NR2F1-AS1: variants seen among roughly 807,000 people sequenced by gnomAD.
The protein encoded by NR2F1-AS1 is NR2F1 antisense RNA 1.
chr5:93,467,383 T>C (rs1298438456), intron 4 of NR2F1-AS1, among the ~76,000 whole-genome samples: 1 of 152,114 alleles, frequency 6.6e-6, no homozygotes, highest in Admixed American at 6.6e-5. Context: ...CACTCTTCAA[T>C]TTTCCAAGGC....
intron 4 of NR2F1-AS1, among the ~76,000 whole-genome samples, chr5:93,452,925 GCAT>G (rs200801948): frequency 4.1e-3 from 626 of 151,876 alleles, no homozygotes; most frequent in Middle Eastern, 0.021. Context: ...ATAATATCCA[GCAT>G]CTGTTCAAAA....
At chr5:93,442,325 T>C (rs748006595) in intron 4 of NR2F1-AS1, among the ~76,000 whole-genome samples, 3 of 152,084 alleles carry the variant, frequency 2.0e-5, no homozygotes, top group Non-Finnish European at 4.4e-5. Context: ...ACCTGGAAAA[T>C]CGGGACACCC....
At chr5:93,428,931 T>C (rs1749250477) in intron 4 of NR2F1-AS1, among the ~76,000 whole-genome samples, 2 of 152,200 alleles carry the variant, frequency 1.3e-5, no homozygotes, top group African/African-American at 2.4e-5. Context: ...GGTGGATGCA[T>C]ATTATGTCCA....
intron 2 of NR2F1-AS1, among the ~76,000 whole-genome samples, chr5:93,561,199 G>A (rs1203723183): frequency 2.6e-5 from 4 of 152,014 alleles, no homozygotes; most frequent in African/African-American, 7.3e-5. Context: ...CTTGAACCTC[G>A]GAGGCAGAGG....
chr5:93,525,761 G>A (rs899002929), intron 4 of NR2F1-AS1, among the ~76,000 whole-genome samples: 4 of 152,100 alleles, frequency 2.6e-5, no homozygotes, highest in Non-Finnish European at 4.4e-5. Context: ...TGACTACTGA[G>A]TAAATAACAA....
chr5:93,430,409 C>T (rs570565409), intron 4 of NR2F1-AS1, among the ~76,000 whole-genome samples: 1 of 152,106 alleles, frequency 6.6e-6, no homozygotes, highest in African/African-American at 2.4e-5. Flanking sequence ...CGCTGCCTGA[C>T]GGGGAACTAA....
upstream of NR2F1-AS1, chr5:93,584,996 C>A (rs1326939288): frequency 2.4e-5 from 24 of 984,110 alleles, no homozygotes; most frequent in Non-Finnish European, 2.8e-5. Context: ...CAGCTCGGCT[C>A]CCCCCAGCGC....
At chr5:93,540,177 T>A (rs544738543) in intron 4 of NR2F1-AS1, among the ~76,000 whole-genome samples, 1 of 152,336 alleles carries the variant, frequency 6.6e-6, no homozygotes, top group South Asian at 2.1e-4. Context: ...ACTGGTTTTA[T>A]AAATATGCAA....
chr5:93,419,613 A>G (rs553500961), intron 4 of NR2F1-AS1, among the ~76,000 whole-genome samples: 4 of 152,308 alleles, frequency 2.6e-5, no homozygotes, highest in African/African-American at 7.2e-5. Flanking sequence ...ATATATTTGC[A>G]TATGCATAGA....
rs139127205 is a variant in NR2F1-AS1, at chr5:93,412,826, T to C, written n.639-17284A>G. ...AAATCTCACCTGTTATCTACAATTC[T>C]AGTGGCCCAAACCTCCTGCTAAATT... is the stretch of plus-strand genomic sequence containing the variant. On this transcript the variant is annotated intron_variant and non_coding_transcript_variant, in intron 4 of 5. Coordinates refer to ENST00000660523, the Ensembl canonical transcript of NR2F1-AS1. 2.0e-5 allele frequency among the ~76,000 whole-genome samples: 3 copies of C among 152,282 alleles called. No individual in the cohort carries two copies. In the East Asian group the frequency reaches 5.8e-4, roughly 29 times the overall value.
upstream of NR2F1-AS1, chr5:93,584,371 G>A (rs1036444047): frequency 6.7e-5 from 10 of 149,386 alleles, no homozygotes; most frequent in African/African-American, 2.4e-4. Context: ...TGTCGGCTCA[G>A]CCCGCGCGCT....
intron 2 of NR2F1-AS1, among the ~76,000 whole-genome samples, chr5:93,559,431 GTTTTGCT>G (rs1473426620): frequency 2.6e-5 from 4 of 152,116 alleles, no homozygotes; most frequent in Non-Finnish European, 5.9e-5. Flanking sequence ...CAATAAGACT[GTTTTGCT>G]TTTTTGTTTG....
intron 4 of NR2F1-AS1, among the ~76,000 whole-genome samples, chr5:93,535,967 GA>G (rs1455776370): frequency 6.6e-6 from 1 of 151,938 alleles, no homozygotes; most frequent in Admixed American, 6.6e-5. Context: ...TTAGACAAGA[GA>G]AAGAAATAAA....
chr5:93,543,240 A>T (rs924390702), intron 4 of NR2F1-AS1: 1 of 152,276 alleles, frequency 6.6e-6, no homozygotes, highest in African/African-American at 2.4e-5. Context: ...ACAAAGCAAC[A>T]TGGGCAAAAA....
At chr5:93,446,339 T>C (rs1023685590) in intron 4 of NR2F1-AS1, among the ~76,000 whole-genome samples, 2 of 152,092 alleles carry the variant, frequency 1.3e-5, no homozygotes, top group Admixed American at 6.6e-5. Context: ...AGCTGATAAG[T>C]AACTTCAGCA....
At chr5:93,573,248 T>G (rs1158019521) in intron 1 of NR2F1-AS1, among the ~76,000 whole-genome samples, 3 of 152,310 alleles carry the variant, frequency 2.0e-5, no homozygotes, top group Non-Finnish European at 2.9e-5. Flanking sequence ...CACCCCACTT[T>G]CTTTTCCTGC....
Position 93,494,990 on chromosome 5 carries a change from C to T in NR2F1-AS1, n.638+58771G>A, listed in dbSNP as rs142770276. On this transcript the variant is annotated intron_variant and non_coding_transcript_variant, in intron 4 of 5. Transcript: ENST00000660523. ...ATTTATATGATATATCCAGAATAAG[C>T]AAATCCATAGCAATAGACAGCAGAT... 2.3e-3 allele frequency among the ~76,000 whole-genome samples: 345 copies of T among 152,038 alleles called. 1 individual carries two copies. Among genetic ancestry groups the T allele is most frequent in the Non-Finnish European group, 2.3e-3 (158 of 67,974 alleles).
intron 4 of NR2F1-AS1, among the ~76,000 whole-genome samples, chr5:93,414,455 C>A (rs922331143): frequency 1.3e-5 from 2 of 152,174 alleles, no homozygotes; most frequent in African/African-American, 4.8e-5. Flanking sequence ...ATATGTTGCT[C>A]AGTCACTTCT....
chr5:93,419,011 C>G (rs990732613), intron 4 of NR2F1-AS1, among the ~76,000 whole-genome samples: 1 of 152,328 alleles, frequency 6.6e-6, no homozygotes, highest in African/African-American at 2.4e-5. Flanking sequence ...TTCTAGGAAT[C>G]TATCTTACAG....
Sources: gnomAD v4.1 joint callset for allele counts (sites outside exome capture counted in the v4.1 genomes callset) on GRCh38, gnomAD v4.1.1 for gene constraint, MANE v1.5 for transcripts, NCBI Gene and HGNC (gene_info 2026-07-23, HGNC 2026-07-21) for gene names.